Variants in FMO1 observed in about 807,000 individuals in gnomAD.
FMO1 encodes flavin containing dimethylaniline monoxygenase 1.
FMO1 carries 36 observed loss-of-function variants against 45.4 expected under a neutral mutation model. The ratio of observed to expected loss-of-function variants is 0.79; its 90% CI spans 0.61 to 1.05. The LOEUF (loss-of-function observed/expected upper bound fraction) is 1.05. Among genes scored for constraint, FMO1 ranks in the 50% least tolerant of loss-of-function variants. FMO1 has a pLI of 0.00. For missense variants in FMO1, 615 were observed against 640.3 expected, an observed-to-expected ratio of 0.96 and a Z score of 0.43; for synonymous variants, 228 against 227.2, an observed-to-expected ratio of 1.00 and a Z score of -0.03.
intron 1 of FMO1, among the ~76,000 whole-genome samples, chr1:171,250,085 C>T (rs1659817735): frequency 6.6e-6 from 1 of 152,104 alleles, no homozygotes; most frequent in African/African-American, 2.4e-5. Context: ...GTTCTAACAA[C>T]TTTGTAGTTT....
chr1:171,258,097 C>G lies in FMO1; in HGVS notation c.10C>G (p.Arg4Gly). ...CCTCATGCAGGAGAACATGGCCAAG[C>G]GAGTTGCCATTGTGGGAGCTGGGGT... The part of the protein sequence containing the change: MAK[R>G]VAIVGAGVSG... Residue 4 changes from arginine (R) to glycine (G), a missense_variant, in exon 2 of 9, where the codon CGA becomes GGA. By Grantham distance (125) the Arg-to-Gly change is moderately radical (BLOSUM62 -2). Transcript: ENST00000617670. The G allele has an allele frequency of 6.2e-7, 1 of 1,614,092 alleles. No homozygotes were observed. The highest frequency in any genetic ancestry group is 1.1e-5 in the South Asian group (1 of 91,086).
At chr1:171,281,910 T>A in intron 6 of FMO1, 68 bp from the exon 7 acceptor site, 1 of 877,292 alleles carries the variant, frequency 1.1e-6, no homozygotes, top group Non-Finnish European at 1.7e-6. Flanking sequence ...GAGAGGGAGG[T>A]AAAGAGAAGG....
chr1:171,263,561 G>A (rs1660470495), intron 2 of FMO1, among the ~76,000 whole-genome samples: 1 of 152,194 alleles, frequency 6.6e-6, no homozygotes, highest in African/African-American at 2.4e-5. Flanking sequence ...CAGGACCAAA[G>A]TGGACCAGAA....
In FMO1 at chr1:171,250,091, A is replaced by T. The variant is rs182859236; in HGVS notation, c.-7+1468A>T. ...ACTATTTATGTTCTAACAACTTTGT[A>T]GTTTTTTGAACAAGTAATATACAAA... On this transcript the variant is annotated intron_variant, in intron 1 of 8. Coordinates refer to ENST00000617670, the MANE Select transcript of FMO1 (RefSeq NM_001282693.2). 7.2e-5 allele frequency among the ~76,000 whole-genome samples: 11 copies of T among 152,318 alleles called. No homozygotes were observed. In the East Asian group the frequency reaches 2.1e-3, roughly 29 times the overall value.
At chr1:171,273,595 C>T (rs1660966286) in intron 3 of FMO1, among the ~76,000 whole-genome samples, 1 of 152,158 alleles carries the variant, frequency 6.6e-6, no homozygotes, top group African/African-American at 2.4e-5. Context: ...GCAGCCTCCA[C>T]CTCCTAGGCT....
chr1:171,252,946 G>T (rs1028477106), intron 1 of FMO1, among the ~76,000 whole-genome samples: 1 of 152,164 alleles, frequency 6.6e-6, no homozygotes, highest in African/African-American at 2.4e-5. Context: ...AATACTTGAA[G>T]GAGTGGTTGG....
At chr1:171,264,505 G>T (rs996484698) in intron 2 of FMO1, among the ~76,000 whole-genome samples, 3 of 151,710 alleles carry the variant, frequency 2.0e-5, no homozygotes, top group Non-Finnish European at 2.9e-5. Context: ...GTGTTTATGT[G>T]GCATCTATAC....
chr1:171,258,392 G>A (rs2101800102), intron 2 of FMO1, among the ~76,000 whole-genome samples, 173 bp downstream of exon 2: 1 of 152,352 alleles, frequency 6.6e-6, no homozygotes, highest in East Asian at 1.9e-4. Context: ...GGACATGGGT[G>A]AGCTAGGGTG....
rs1455387702 is a variant in FMO1 at position 171,280,797 on chromosome 1, C to T, written c.639C>T (p.Ser213=). ...TTGATTGCTTCCAGGTGTTCCTCAG[C>T]ACCACCGGAGGGGGATGGGTGATCA... is the stretch of plus-strand genomic sequence containing the variant. ...ASHLAEKVFL[S]TTGGGWVISR... is the part of the protein sequence containing the mutation. The change falls in exon 6 of 9, where the codon AGC becomes AGT. Residue 213 remains serine (S), a synonymous_variant. Coordinates refer to ENST00000617670, the MANE Select transcript of FMO1 (RefSeq NM_001282693.2). The T allele has an allele frequency of 6.2e-7, 1 of 1,612,376 alleles. No individual in the cohort carries two copies. Among genetic ancestry groups the T allele is most frequent in the African/African-American group, 1.3e-5 (1 of 74,946 alleles).
chr1:171,273,729 G>T (rs1315579269), intron 3 of FMO1, among the ~76,000 whole-genome samples: 1 of 152,048 alleles, frequency 6.6e-6, no homozygotes, highest in Non-Finnish European at 1.5e-5. Context: ...GCCGCCCAGG[G>T]TGGTCTTGAA....
chr1:171,252,228 C>A (rs73034309), intron 1 of FMO1, among the ~76,000 whole-genome samples: 1,999 of 152,244 alleles, frequency 0.013, 42 homozygotes, highest in African/African-American at 0.047. Flanking sequence ...GCCAGATCCT[C>A]CGATCCCACC....
In FMO1 at chr1:171,282,108, G is replaced by A. The variant is rs1558019171; in HGVS notation, c.958G>A (p.Glu320Lys). ...SVIFNNTSKE[E>K]PIDIIVFATG... Reference sequence around the variant, plus strand: ...CATATTTAACAATACTTCAAAGGAAGAGCCTATTGACATCATTGTCTTTGC... The same window carrying A: ...CATATTTAACAATACTTCAAAGGAAAAGCCTATTGACATCATTGTCTTTGC... The change falls in exon 7 of 9, where the codon GAG becomes AAG. Residue 320 changes from glutamate to lysine, a missense_variant. By Grantham distance (56) the Glu-to-Lys change is moderately conservative. Transcript: ENST00000617670. The A allele has an allele frequency of 6.2e-7, 1 of 1,613,882 alleles. No individual in the cohort carries two copies. Among genetic ancestry groups the A allele is most frequent in the Non-Finnish European group, 8.5e-7 (1 of 1,179,788 alleles).
intron 6 of FMO1, among the ~76,000 whole-genome samples, 193 bp from the exon 7 acceptor site, chr1:171,281,785 T>C (rs1003479712): frequency 3.9e-5 from 6 of 152,154 alleles, no homozygotes; most frequent in Admixed American, 3.9e-4. Context: ...CTCTAGTAAA[T>C]GGCAAGCATA....
chr1:171,260,445 G>C (rs76782563), intron 2 of FMO1, among the ~76,000 whole-genome samples: 5,672 of 152,168 alleles, frequency 0.037, 382 homozygotes, highest in African/African-American at 0.13. Flanking sequence ...TGGCAAGGTG[G>C]GGAGACAAGA....
At chr1:171,272,821 G>A (rs1333646597) in intron 3 of FMO1, among the ~76,000 whole-genome samples, 1 of 152,186 alleles carries the variant, frequency 6.6e-6, no homozygotes, top group Non-Finnish European at 1.5e-5. Context: ...AGGCTCATAG[G>A]TGGAAGGGAC....
intron 6 of FMO1, among the ~76,000 whole-genome samples, chr1:171,281,473 A>G (rs1282181101): frequency 6.6e-6 from 1 of 152,226 alleles, no homozygotes; most frequent in African/African-American, 2.4e-5. Context: ...GGCCCAAAAA[A>G]TGGCTCAGCT....
chr1:171,281,907 A>C (rs1661370682), intron 6 of FMO1, 71 bp from the exon 7 acceptor site: 1 of 804,846 alleles, frequency 1.2e-6, no homozygotes, highest in African/African-American at 1.7e-5. Context: ...TGAGAGAGGG[A>C]GGTAAAGAGA....
chr1:171,275,487 T>A lies in FMO1; in HGVS notation c.463T>A (p.Leu155Met). The change falls in exon 4 of 9, where the codon TTG (leucine) becomes ATG (methionine). Residue 155 changes from leucine to methionine, a missense_variant. Physicochemically the swap from Leu to Met is conservative, Grantham distance 15 (BLOSUM62 2). Transcript: ENST00000617670. ...CACTGGCTTTCTTACTAATCCTTAT[T>A]TGCCACTGGATTCCTTTCCAGGTAC... Reference protein sequence around the residue: ...VCTGFLTNPYLPLDSFPGINA... With the variant: ...VCTGFLTNPYMPLDSFPGINA... 1 of 1,612,334 alleles carries A rather than the reference T, an allele frequency of 6.2e-7. No individual in the cohort carries two copies. Among genetic ancestry groups the A allele is most frequent in the Non-Finnish European group, 8.5e-7 (1 of 1,179,190 alleles).
intron 4 of FMO1, among the ~76,000 whole-genome samples, chr1:171,277,645 A>G (rs1414657029): frequency 6.6e-6 from 1 of 152,168 alleles, no homozygotes; most frequent in East Asian, 1.9e-4. Flanking sequence ...ATCCAGAGAT[A>G]ACTGTATTTT....
Sources: allele counts gnomAD v4.1 joint callset (sites outside exome capture counted in the v4.1 genomes callset), GRCh38; gene constraint gnomAD v4.1.1; transcripts MANE v1.5; gene names NCBI Gene and HGNC (gene_info 2026-07-23, HGNC 2026-07-21).